The following NEDD1 variants were observed in gnomAD, a reference collection of about 807,000 sequenced individuals.
The protein encoded by NEDD1 is protein NEDD1.
In NEDD1, 33 loss-of-function variants were observed where a neutral mutation model predicts 74.0. The ratio of observed to expected loss-of-function variants is 0.45; its 90% confidence interval spans 0.34 to 0.60. The LOEUF is 0.60. Ranked by LOEUF, NEDD1 falls within the 20% of genes least tolerant of loss-of-function variation. The probability of loss-of-function intolerance (pLI) is 0.01; values close to 1 mark genes in which losing one functional copy is unlikely to be tolerated. For synonymous variants in NEDD1, 250 were observed against 264.4 expected (o/e 0.95, Z 0.53); for missense variants, 746 against 776.5 (o/e 0.96, Z 0.47).
intron 5 of NEDD1, among the ~76,000 whole-genome samples, chr12:96,918,047 G>GA (rs145947210): frequency 3.9e-5 from 6 of 152,134 alleles, no homozygotes; most frequent in African/African-American, 4.8e-5. Flanking sequence ...GGTCATCAGG[G>GA]ATCTTTCCTT....
At chr12:96,934,914 T>C in intron 6 of NEDD1, 62 bp from the exon 7 acceptor site, 1 of 1,050,362 alleles carries the variant, frequency 9.5e-7, no homozygotes, top group Non-Finnish European at 1.5e-6. Flanking sequence ...TTTATATGGC[T>C]TATATCAAAT....
intron 3 of NEDD1, among the ~76,000 whole-genome samples, chr12:96,911,070 CTG>C (rs1252539312): frequency 5.3e-5 from 8 of 152,178 alleles, no homozygotes; most frequent in African/African-American, 1.4e-4. Context: ...CTTTGGTACT[CTG>C]TTAATCAAAC....
chr12:96,929,679 C>T (rs1231956080), intron 6 of NEDD1, among the ~76,000 whole-genome samples: 1 of 149,186 alleles, frequency 6.7e-6, no homozygotes, highest in Admixed American at 6.7e-5. Flanking sequence ...CTCTACTTTT[C>T]CACCTGTCTG....
chr12:96,911,198 T>C (rs562808342), intron 3 of NEDD1, among the ~76,000 whole-genome samples: 75 of 152,336 alleles, frequency 4.9e-4, no homozygotes, highest in African/African-American at 1.5e-3. Flanking sequence ...ATTTTCATTA[T>C]GTTTAGAGCT....
At chr12:96,948,798 T>C (rs1180540833) in intron 14 of NEDD1, among the ~76,000 whole-genome samples, 2 of 152,210 alleles carry the variant, frequency 1.3e-5, no homozygotes, top group Admixed American at 1.3e-4. Context: ...GCTGAATGTC[T>C]GGAGTATTCA....
intron 10 of NEDD1, among the ~76,000 whole-genome samples, chr12:96,941,628 C>T (rs1877671555): frequency 6.6e-6 from 1 of 151,906 alleles, no homozygotes; most frequent in African/African-American, 2.4e-5. Flanking sequence ...CGAGTTTTGG[C>T]CAGTGAGACT....
intron 14 of NEDD1, among the ~76,000 whole-genome samples, chr12:96,946,453 ATGT>A (rs972771330): frequency 6.6e-6 from 1 of 152,138 alleles, no homozygotes; most frequent in African/African-American, 2.4e-5. Flanking sequence ...CCTATAGTTA[ATGT>A]TGTAGCTCAG....
chr12:96,952,389 A>G lies in NEDD1; in HGVS notation c.*336A>G. ...TTGTTTTTTAGTCATCTTTTTTAAC[A>G]TATATTTTTGATTGACAAATTGCCT... On this transcript the variant is annotated 3_prime_UTR_variant, in exon 16 of 16. Coordinates refer to ENST00000266742, the MANE Select transcript of NEDD1 (RefSeq NM_152905.4). 1 of 159,914 alleles carries G rather than the reference A, an allele frequency of 6.3e-6. No individual in the cohort carries two copies. The highest frequency in any genetic ancestry group is 1.4e-5 in the Non-Finnish European group (1 of 73,322). 9.9% of individuals were successfully genotyped at this position (159,914 alleles called of 1,614,324 possible). A position where few individuals can be genotyped will look rare whatever the true frequency, so the allele number is the denominator to read the frequency against.
In NEDD1 at chr12:96,909,855, A is replaced by T. The variant is rs747535750; in HGVS notation, c.96A>T (p.Thr32=). The change falls in exon 3 of 16, where the codon ACA becomes ACT. Residue 32 remains threonine, a synonymous_variant. Transcript: ENST00000266742. ...MTLVDKFNPH[T]SPHGISSICW... is the part of the protein sequence containing the mutation. ...TGGTGGATAAATTCAACCCACACAC[A>T]TCACCACATGGAATCAGCTCAATAT... The T allele has an allele frequency of 1.9e-6, 3 of 1,613,852 alleles. No homozygotes were observed. The highest frequency in any genetic ancestry group is 4.5e-5 in the East Asian group (2 of 44,858).
intron 3 of NEDD1, among the ~76,000 whole-genome samples, chr12:96,910,421 A>G (rs987165085): frequency 1.3e-5 from 2 of 152,212 alleles, no homozygotes; most frequent in Non-Finnish European, 2.9e-5. Context: ...GATGAAAATT[A>G]CATTTCCTAA....
chr12:96,930,099 G>T (rs1238452134), intron 6 of NEDD1, among the ~76,000 whole-genome samples: 2 of 148,848 alleles, frequency 1.3e-5, no homozygotes, highest in Admixed American at 6.8e-5. Context: ...CTAGTTTGTT[G>T]TAAATGTTGT....
At chr12:96,936,515 G>T in intron 7 of NEDD1, 96 bp from the exon 8 acceptor site, 1 of 771,992 alleles carries the variant, frequency 1.3e-6, no homozygotes, top group Non-Finnish European at 2.2e-6. Context: ...AGTTTGAAGT[G>T]TTAATAACTC....
chr12:96,923,599 A>G (rs974311519), intron 6 of NEDD1, among the ~76,000 whole-genome samples: 3 of 152,130 alleles, frequency 2.0e-5, no homozygotes, highest in African/African-American at 7.2e-5. Flanking sequence ...AATGATGTTA[A>G]GTATATTTTT....
At chr12:96,941,489 T>C (rs967756157) in intron 10 of NEDD1, among the ~76,000 whole-genome samples, 2 of 152,088 alleles carry the variant, frequency 1.3e-5, no homozygotes, top group Non-Finnish European at 2.9e-5. Flanking sequence ...ATTCTTTTCT[T>C]TCAGGATGAA....
At chr12:96,945,350 G>A (rs1032631147) in intron 13 of NEDD1, among the ~76,000 whole-genome samples, 3 of 151,870 alleles carry the variant, frequency 2.0e-5, no homozygotes, top group Non-Finnish European at 4.4e-5. Context: ...ATTTTCCTTC[G>A]GTTTGTTTTT....
intron 7 of NEDD1, among the ~76,000 whole-genome samples, chr12:96,935,932 C>G (rs796554216): frequency 1.3e-5 from 2 of 152,260 alleles, no homozygotes; most frequent in African/African-American, 4.8e-5. Flanking sequence ...AGGGAAGGTC[C>G]CACTGTCAGC....
At chr12:96,945,264 T>C (rs750404796) in intron 13 of NEDD1, among the ~76,000 whole-genome samples, 34 of 152,114 alleles carry the variant, frequency 2.2e-4, no homozygotes, top group Admixed American at 1.3e-3. Flanking sequence ...ATCTATATTT[T>C]GCTTGAAGTT....
intron 14 of NEDD1, among the ~76,000 whole-genome samples, chr12:96,949,253 C>T (rs1878485441): frequency 6.6e-6 from 1 of 152,074 alleles, no homozygotes. Context: ...TCAATGGTTC[C>T]CTGATACAGT....
At chr12:96,930,489 A>G (rs1412077099) in intron 6 of NEDD1, among the ~76,000 whole-genome samples, 1 of 152,068 alleles carries the variant, frequency 6.6e-6, no homozygotes, top group Non-Finnish European at 1.5e-5. Flanking sequence ...AATTGTGACA[A>G]CATATATGAA....
Sources: gnomAD v4.1 joint callset for allele counts (sites outside exome capture counted in the v4.1 genomes callset) on GRCh38, gnomAD v4.1.1 for gene constraint, MANE v1.5 for transcripts, NCBI Gene and HGNC (gene_info 2026-07-23, HGNC 2026-07-21) for gene names.